Variants in ROBO1 observed in about 807,000 individuals in gnomAD.
ROBO1 encodes roundabout guidance receptor 1.
In ROBO1, 149 loss-of-function variants were observed where a neutral mutation model predicts 195.9. The ratio of observed to expected loss-of-function variants is 0.76; its 90% confidence interval spans 0.67 to 0.87. The LOEUF (loss-of-function observed/expected upper bound fraction) is 0.87. Ranked by LOEUF, ROBO1 falls within the 40% of genes least tolerant of loss-of-function variation. The probability of loss-of-function intolerance (pLI) is 0.00; values close to 1 mark genes in which losing one functional copy is unlikely to be tolerated. For synonymous variants in ROBO1, 816 were observed against 733.2 expected (o/e 1.11, Z -1.82); for missense variants, 1,933 against 2,068.3 (o/e 0.93, Z 1.27).
chr3:79,254,352 A>G (rs924738417), intron 2 of ROBO1, among the ~76,000 whole-genome samples: 1 of 152,022 alleles, frequency 6.6e-6, no homozygotes, highest in Non-Finnish European at 1.5e-5. Flanking sequence ...ACTATATAAT[A>G]GTTATTTAGG....
chr3:79,193,877 A>G (rs2081585837), intron 2 of ROBO1, among the ~76,000 whole-genome samples: 1 of 151,596 alleles, frequency 6.6e-6, no homozygotes, highest in African/African-American at 2.4e-5. Context: ...AGAGTCTACA[A>G]TTATAGAAAC....
intron 2 of ROBO1, among the ~76,000 whole-genome samples, chr3:79,135,953 T>G (rs564978783): frequency 6.6e-6 from 1 of 152,312 alleles, no homozygotes; most frequent in Admixed American, 6.5e-5. Context: ...ACTCAATCTT[T>G]TATGAAAAAC....
At chr3:78,677,724 G>A (rs1225368474) in intron 10 of ROBO1, among the ~76,000 whole-genome samples, 2 of 152,046 alleles carry the variant, frequency 1.3e-5, no homozygotes, top group African/African-American at 4.8e-5. Flanking sequence ...CAATAATAAT[G>A]GGCGACTTTA....
intron 4 of ROBO1, among the ~76,000 whole-genome samples, chr3:78,890,136 C>A (rs1181630597): frequency 6.6e-6 from 1 of 152,056 alleles, no homozygotes; most frequent in Non-Finnish European, 1.5e-5. Flanking sequence ...TTTGTAAGGA[C>A]AGGAGTATTT....
intron 2 of ROBO1, among the ~76,000 whole-genome samples, chr3:79,551,631 G>T (rs1942515256): frequency 6.6e-6 from 1 of 152,040 alleles, no homozygotes; most frequent in South Asian, 2.1e-4. Flanking sequence ...CGAAGAGAAA[G>T]CTCTCAGCTG....
rs541602988 is a variant in ROBO1 at position 78,836,386 on chromosome 3, C to T, written c.500-89486G>A. Reference sequence around the variant, plus strand: ...CATTAGCGGGGTGTGGTGGCGGGTGCCTGTAGTCCCAGCTACTCGGGAGGC... The same window carrying T: ...CATTAGCGGGGTGTGGTGGCGGGTGTCTGTAGTCCCAGCTACTCGGGAGGC... On this transcript the variant is annotated intron_variant, in intron 4 of 30. Transcript: ENST00000464233. 1.1e-4 allele frequency among the ~76,000 whole-genome samples: 16 copies of T among 151,650 alleles called. No homozygotes were observed. In the South Asian group the frequency reaches 3.1e-3, roughly 30 times the overall value.
intron 3 of ROBO1, among the ~76,000 whole-genome samples, chr3:79,004,853 ATTCTAT>A (rs1439118706): frequency 6.6e-6 from 1 of 152,200 alleles, no homozygotes; most frequent in Non-Finnish European, 1.5e-5. Flanking sequence ...TGAATTAAAC[ATTCTAT>A]TTCTATGGTT....
intron 3 of ROBO1, among the ~76,000 whole-genome samples, chr3:79,106,598 A>G (rs541079936): frequency 2.6e-5 from 4 of 151,632 alleles, no homozygotes; most frequent in African/African-American, 9.7e-5. Context: ...ATTTTTGCAA[A>G]CACCTAAAGT....
In ROBO1 at chr3:79,460,505, C is replaced by T. The variant is rs188308179; in HGVS notation, c.88+129319G>A. On this transcript the variant is annotated intron_variant, in intron 2 of 30. Coordinates refer to ENST00000464233, the MANE Select transcript of ROBO1 (RefSeq NM_002941.4). ...CCACAGTGAGGAATAAACCAGATGC[C>T]TTTCTATTAAAATTTAATGATCCTT... 3.6e-3 allele frequency among the ~76,000 whole-genome samples: 551 copies of T among 152,176 alleles called. 2 individuals are homozygous for T. Among genetic ancestry groups the T allele is most frequent in the African/African-American group, 8.3e-3 (346 of 41,556 alleles).
chr3:79,487,305 T>C (rs1384447481), intron 2 of ROBO1, among the ~76,000 whole-genome samples: 4 of 133,462 alleles, frequency 3.0e-5, no homozygotes, highest in African/African-American at 1.1e-4. Context: ...CTGTAAAGCA[T>C]GTGCAACATT....
rs550410741 is a variant in ROBO1 at position 79,204,911 on chromosome 3, TTTG to T, written c.89-79375_89-79373del. Among the ~76,000 whole-genome samples, 24 of 152,072 alleles carry T rather than the reference TTTG, an allele frequency of 1.6e-4. No individual in the cohort carries two copies. In the East Asian group the frequency reaches 3.5e-3, roughly 22 times the overall value. On this transcript the variant is annotated intron_variant, in intron 2 of 30. Coordinates refer to ENST00000464233, the MANE Select transcript of ROBO1 (RefSeq NM_002941.4). ...GTCTTTTTTTGTTTTTGTTTTTGTT[TTTG>T]TTTTGTTTGTTTGTTTTTTAACTTT...
chr3:78,903,219 C>A (rs1275508615), intron 4 of ROBO1, among the ~76,000 whole-genome samples: 1 of 152,008 alleles, frequency 6.6e-6, no homozygotes, highest in Non-Finnish European at 1.5e-5. Flanking sequence ...CATTTTTAAT[C>A]CTTTTTTGCA....
chr3:79,127,842 T>A (rs1576709745), intron 2 of ROBO1, among the ~76,000 whole-genome samples: 1 of 152,230 alleles, frequency 6.6e-6, no homozygotes, highest in Non-Finnish European at 1.5e-5. Flanking sequence ...TTCTGGCCCC[T>A]TCTTAGGCTC....
intron 5 of ROBO1, among the ~76,000 whole-genome samples, chr3:78,738,673 T>C (rs1576056476): frequency 6.6e-6 from 1 of 152,256 alleles, no homozygotes; most frequent in African/African-American, 2.4e-5. Flanking sequence ...TTCTCATTTC[T>C]AACACCAGGA....
rs546735785 is a variant in ROBO1, at chr3:79,720,886, A to G, written c.-51+46866T>C. Among the ~76,000 whole-genome samples, 9 of 150,194 alleles carry G rather than the reference A, an allele frequency of 6.0e-5. No individual in the cohort carries two copies. The South Asian group carries it at 6.4e-4, about 11-fold the overall frequency. ...CGGCTCACTGCAAGCTCCGCCTCCC[A>G]GGTTCACGCCATTCTCCTGCCTCAG... On this transcript the variant is annotated intron_variant, in intron 1 of 30. Transcript: ENST00000464233.
At chr3:79,602,876 C>G (rs1322125012) in intron 1 of ROBO1, among the ~76,000 whole-genome samples, 1 of 151,866 alleles carries the variant, frequency 6.6e-6, no homozygotes, top group African/African-American at 2.4e-5. Flanking sequence ...TGATGGTATT[C>G]TAGTATTTTG....
intron 2 of ROBO1, among the ~76,000 whole-genome samples, chr3:79,208,907 A>G (rs1015943464): frequency 1.3e-5 from 2 of 152,158 alleles, no homozygotes; most frequent in Non-Finnish European, 2.9e-5. Context: ...AGTTTCTAGC[A>G]AAAGAGTCAC....
chr3:79,416,029 T>C (rs975632352), intron 2 of ROBO1, among the ~76,000 whole-genome samples: 1 of 152,048 alleles, frequency 6.6e-6, no homozygotes, highest in Non-Finnish European at 1.5e-5. Flanking sequence ...TCAGATTAGA[T>C]AGAGAAGGAA....
At chr3:78,617,238 G>A (rs1460742791) in intron 27 of ROBO1, among the ~76,000 whole-genome samples, 2 of 151,930 alleles carry the variant, frequency 1.3e-5, no homozygotes, top group African/African-American at 4.8e-5. Context: ...ATTTGATTTT[G>A]GTGAGGTTCT....
Sources: gnomAD v4.1 joint callset for allele counts (sites outside exome capture counted in the v4.1 genomes callset) on GRCh38, gnomAD v4.1.1 for gene constraint, MANE v1.5 for transcripts, NCBI Gene and HGNC (gene_info 2026-07-23, HGNC 2026-07-21) for gene names.